ESPNL: variants seen among roughly 807,000 people sequenced by gnomAD.
The protein encoded by ESPNL is espin like, also known as espin-like protein.
ESPNL carries 49 observed loss-of-function variants against 46.8 expected under a neutral mutation model. That is an observed-to-expected ratio of 1.05 (90% CI 0.83 to 1.33). ESPNL has a LOEUF of 1.33. Ranked by LOEUF, ESPNL falls within the 40% of genes most tolerant of loss-of-function variation. The pLI, the probability that ESPNL is intolerant of heterozygous loss-of-function variation, is 0.00. For synonymous variants in ESPNL, 664 were observed against 662.1 expected (o/e 1.00, Z -0.04); for missense variants, 1,540 against 1,436.6 (o/e 1.07, Z -1.16).
In ESPNL at chr2:238,104,667, G is replaced by A. The variant is rs776250145; in HGVS notation, c.497G>A (p.Arg166Gln). The change falls in exon 3 of 9, where the codon CGG becomes CAG. Residue 166 changes from arginine to glutamine, a missense_variant. By Grantham distance (43) the Arg-to-Gln change is conservative. Transcript: ENST00000343063. ...TCCCTTCCCTGCAGCAGCGTGAACCGGCGGACACGCAGTGGCGCCTCCCCA... is the reference window on the plus strand; with the variant it reads ...TCCCTTCCCTGCAGCAGCGTGAACCAGCGGACACGCAGTGGCGCCTCCCCA... ...LTAAHGSSVNRRTRSGASPLY... is the reference protein window; with the variant it reads ...LTAAHGSSVNQRTRSGASPLY... 8.2e-6 allele frequency: 13 copies of A among 1,593,526 alleles called. No individual in the cohort carries two copies. The highest frequency in any genetic ancestry group is 6.7e-5 in the South Asian group (6 of 88,976).
chr2:238,118,373 GAGGTGGATGGAGA>G, intron 5 of ESPNL, among the ~76,000 whole-genome samples: 2 of 102,022 alleles, frequency 2.0e-5, no homozygotes, highest in East Asian at 3.8e-4. Context: ...ATGGATGGAG[GAGGTGGATGGAGA>G]AGGGTGGATG....
intron 6 of ESPNL, 131 bp from the exon 7 acceptor site, chr2:238,127,491 G>A: frequency 1.4e-6 from 2 of 1,414,028 alleles, no homozygotes; most frequent in Non-Finnish European, 9.2e-7. Flanking sequence ...GGGCAGGGTG[G>A]GCTGGGGTCA....
intron 5 of ESPNL, among the ~76,000 whole-genome samples, chr2:238,121,546 C>T (rs924603431): frequency 3.9e-5 from 6 of 152,224 alleles, no homozygotes; most frequent in Admixed American, 1.3e-4. Flanking sequence ...TACAGGTGTG[C>T]GCCACCACAC....
At chr2:238,101,204 G>A (rs575801206) in intron 1 of ESPNL, among the ~76,000 whole-genome samples, 1 of 152,316 alleles carries the variant, frequency 6.6e-6, no homozygotes, top group South Asian at 2.1e-4. Flanking sequence ...TGCAGGCGAG[G>A]CCCTTAGAGC....
At chr2:238,106,968 C>T (rs540169590) in intron 3 of ESPNL, among the ~76,000 whole-genome samples, 302 of 152,342 alleles carry the variant, frequency 2.0e-3, no homozygotes, top group African/African-American at 6.7e-3. Flanking sequence ...GCACTCACAC[C>T]GAAGGCGACG....
Position 238,131,944 on chromosome 2 carries a change from C to A in ESPNL, c.*212C>A. 1 of 583,118 alleles carries A rather than the reference C, an allele frequency of 1.7e-6. No homozygotes were observed. The highest frequency in any genetic ancestry group is 2.9e-6 in the Non-Finnish European group (1 of 342,852). The allele number at this position is 583,118 out of a possible 1,614,324, so 36.1% of individuals were successfully genotyped here. A position where few individuals can be genotyped will look rare whatever the true frequency, so the allele number is the denominator to read the frequency against. On this transcript the variant is annotated 3_prime_UTR_variant, in exon 9 of 9. Transcript: ENST00000343063. The stretch of plus-strand genomic sequence containing the variant: ...CCTTCTCACCACTGCACCCAGGAAG[C>A]CCCTTGGCAGGTCCTGAAGTGAGGC...
chr2:238,128,411 G>A (rs968844702), intron 7 of ESPNL, among the ~76,000 whole-genome samples: 6 of 152,232 alleles, frequency 3.9e-5, no homozygotes, highest in African/African-American at 1.2e-4. Context: ...TGCGCTCCGC[G>A]AGCATCTGCT....
rs777820556 is a variant in ESPNL at position 238,101,928 on chromosome 2, C to T, written c.295-13C>T. On this transcript the variant is annotated splice_polypyrimidine_tract_variant and intron_variant, in intron 1 of 8. Transcript: ENST00000343063. ...CCTACCCCCCACTCACTGACCTACC[C>T]GGGGCTTGGTAGGACCAAGATGCCT... The T allele has an allele frequency of 1.9e-5, 30 of 1,599,742 alleles. No individual in the cohort carries two copies. The highest frequency in any genetic ancestry group is 1.1e-4 in the African/African-American group (8 of 74,700).
chr2:238,104,978 C>A, intron 3 of ESPNL, 136 bp downstream of exon 3: 1 of 763,192 alleles, frequency 1.3e-6, no homozygotes, highest in South Asian at 2.3e-5. Flanking sequence ...ATGAGCTGGT[C>A]CATGGCTCCC....
At position 238,114,256 on chromosome 2, in the gene ESPNL, A is replaced by G. The variant is rs1195174764; in HGVS notation, c.856-2647A>G. ...TCCTCCCCATGGCTCTGTTCCTATC[A>G]GGGCTTTGCCCTCTCTCCCCAGCAC... On this transcript the variant is annotated intron_variant, in intron 4 of 8. Coordinates refer to ENST00000343063, the MANE Select transcript of ESPNL (RefSeq NM_194312.4). The surrounding 1 kb of genome is among the most constrained non-coding windows in gnomAD (Gnocchi z 5.0). Among the ~76,000 whole-genome samples, 1 of 152,030 alleles carries G rather than the reference A, an allele frequency of 6.6e-6. No individual in the cohort carries two copies. The highest frequency in any genetic ancestry group is 1.5e-5 in the Non-Finnish European group (1 of 67,990).
intron 3 of ESPNL, among the ~76,000 whole-genome samples, chr2:238,107,060 G>A (rs1003261319): frequency 2.0e-5 from 3 of 152,244 alleles, no homozygotes; most frequent in East Asian, 1.9e-4. Context: ...GGGTGAAGGC[G>A]GGGAGCCAGC....
chr2:238,100,530 C>A lies in ESPNL; in HGVS notation c.111C>A (p.Ala37=), dbSNP rs746074223. 4.4e-6 allele frequency: 7 copies of A among 1,594,432 alleles called. No homozygotes were observed. Among genetic ancestry groups the A allele is most frequent in the African/African-American group, 2.7e-5 (2 of 74,532 alleles). ...CGGGCATCACCGATGCTCTGGGGGC[C>A]GGCCTGGTTCACCACGCCACCCGGG... ...LGPGITDALG[A]GLVHHATRAG... is the part of the protein sequence containing the mutation. Residue 37 remains alanine (A), a synonymous_variant, in exon 1 of 9, where the codon GCC becomes GCA. Coordinates refer to ENST00000343063, the MANE Select transcript of ESPNL (RefSeq NM_194312.4).
In ESPNL at chr2:238,130,961, G is replaced by A; in HGVS notation, c.2247G>A (p.Trp749Ter). 1 of 1,549,530 alleles carries A rather than the reference G, an allele frequency of 6.5e-7. No individual in the cohort carries two copies. The highest frequency in any genetic ancestry group is 8.7e-7 in the Non-Finnish European group (1 of 1,147,642). ...TCATCATGCTCTTCCTCAGCCACTG[G>A]AGGAGATCGGCCTACACGCCGGCCC... ...ERIIMLFLSH[W>*]RRSAYTPALK... Residue 749 changes from tryptophan to a stop codon, truncating the protein, a stop_gained, in exon 9 of 9, where the codon TGG becomes TGA. Transcript: ENST00000343063. LOFTEE classifies it low-confidence loss of function (END_TRUNC).
intron 5 of ESPNL, among the ~76,000 whole-genome samples, chr2:238,124,554 TGC>T (rs1482956668): frequency 6.6e-6 from 1 of 151,600 alleles, no homozygotes; most frequent in African/African-American, 2.4e-5. Context: ...AGAGTGTACG[TGC>T]GTGTGTGCAG....
rs1400130422 is a variant in ESPNL at position 238,118,318 on chromosome 2, G to A, written c.987+1284G>A. 3.4e-5 allele frequency among the ~76,000 whole-genome samples: 5 copies of A among 146,014 alleles called. 1 individual carries two copies. Among genetic ancestry groups the A allele is most frequent in the Admixed American group, 2.7e-4 (4 of 14,742 alleles). On this transcript the variant is annotated intron_variant, in intron 5 of 8. Coordinates refer to ENST00000343063, the MANE Select transcript of ESPNL (RefSeq NM_194312.4). ...TGGATGGAGGAGGGTAGATGGAGGA[G>A]GGTGGGTGGAGAAGGTGGATGGAGG...
intron 6 of ESPNL, chr2:238,127,325 T>C: frequency 8.3e-7 from 1 of 1,207,940 alleles, no homozygotes; most frequent in Non-Finnish European, 1.0e-6. Context: ...CAGAGCTGCG[T>C]TAGGGGCGGC....
chr2:238,118,866 C>T (rs1403912382), intron 5 of ESPNL, among the ~76,000 whole-genome samples: 151 of 75,000 alleles, frequency 2.0e-3, no homozygotes, highest in Middle Eastern at 0.032. Context: ...TGGAAGAGGA[C>T]GGATGGAGGA....
rs745321649 is a variant in ESPNL at position 238,107,910 on chromosome 2, C to A, written c.792C>A (p.Pro264=). The change falls in exon 4 of 9, where the codon CCC becomes CCA. Residue 264 remains proline (P), a synonymous_variant. Transcript: ENST00000343063. ...ILDRLLLMGT[P]ILRDSWGGTP... is the part of the protein sequence containing the mutation. ...ACCGACTCCTGCTCATGGGTACCCC[C>A]ATCCTGAGAGACTCCTGGGGTGGGA... 6.2e-7 allele frequency: 1 copy of A among 1,613,158 alleles called. No individual in the cohort carries two copies. The highest frequency in any genetic ancestry group is 1.1e-5 in the South Asian group (1 of 91,022).
intron 3 of ESPNL, among the ~76,000 whole-genome samples, chr2:238,107,216 C>A (rs1304594624): frequency 6.6e-6 from 1 of 152,206 alleles, no homozygotes; most frequent in East Asian, 1.9e-4. Context: ...TGCTGTGGAC[C>A]ACAGCAGGGG....
Sources: allele counts gnomAD v4.1 joint callset (sites outside exome capture counted in the v4.1 genomes callset), GRCh38; gene constraint gnomAD v4.1.1; non-coding constraint Gnocchi (gnomAD v3.1); transcripts MANE v1.5; gene names NCBI Gene and HGNC (gene_info 2026-07-23, HGNC 2026-07-21).